Variants in ADAM23 observed in about 807,000 individuals in gnomAD.
ADAM23 encodes disintegrin and metalloproteinase domain-containing protein 23.
In ADAM23, 33 loss-of-function variants were observed where a neutral mutation model predicts 120.1. The ratio of observed to expected loss-of-function variants is 0.27; its 90% CI spans 0.21 to 0.37. ADAM23 has a LOEUF of 0.37. Among genes scored for constraint, ADAM23 ranks in the 10% least tolerant of loss-of-function variants. The pLI, the probability that ADAM23 is intolerant of heterozygous loss-of-function variation, is 1.00. For synonymous variants in ADAM23, 367 were observed against 375.2 expected (o/e 0.98, Z 0.25); for missense variants, 862 against 1,058.2 (o/e 0.81, Z 2.57).
chr2:206,600,156 C>A (rs572655106), intron 24 of ADAM23, among the ~76,000 whole-genome samples: 1 of 152,090 alleles, frequency 6.6e-6, no homozygotes, highest in South Asian at 2.1e-4. Flanking sequence ...GAGCTGAGAT[C>A]GCGACACTGC....
chr2:206,479,896 A>T (rs2105876836), intron 2 of ADAM23, among the ~76,000 whole-genome samples: 1 of 152,128 alleles, frequency 6.6e-6, no homozygotes. Flanking sequence ...TGACTATCTG[A>T]TTTGGCAGTG....
chr2:206,561,681 C>T (rs1174663955), intron 12 of ADAM23, among the ~76,000 whole-genome samples: 1 of 152,120 alleles, frequency 6.6e-6, no homozygotes, highest in East Asian at 1.9e-4. Context: ...TTTCCTTAAT[C>T]TCATTGTTCA....
intron 3 of ADAM23, among the ~76,000 whole-genome samples, chr2:206,512,236 C>G (rs918711300): frequency 1.3e-5 from 2 of 152,112 alleles, no homozygotes; most frequent in African/African-American, 4.8e-5. Flanking sequence ...AAACAAGCTG[C>G]TTAATAGCCT....
At chr2:206,539,422 G>A (rs1437022985) in intron 4 of ADAM23, among the ~76,000 whole-genome samples, 1 of 152,230 alleles carries the variant, frequency 6.6e-6, no homozygotes, top group African/African-American at 2.4e-5. Flanking sequence ...GTCAGGGCCA[G>A]CCCTCTTTAA....
At chr2:206,470,087 C>T (rs1025938062) in intron 2 of ADAM23, among the ~76,000 whole-genome samples, 2 of 152,034 alleles carry the variant, frequency 1.3e-5, no homozygotes, top group African/African-American at 2.4e-5. Context: ...AAAACACACA[C>T]CCTAAAATGT....
At chr2:206,521,548 T>C (rs1671900764) in intron 3 of ADAM23, among the ~76,000 whole-genome samples, 1 of 152,184 alleles carries the variant, frequency 6.6e-6, no homozygotes, top group Admixed American at 6.6e-5. Flanking sequence ...ATAAAAACTC[T>C]TGAAAGTTCT....
At position 206,620,288 on chromosome 2, in the gene ADAM23, T is replaced by G. The variant is rs1227911764; in HGVS notation, c.*2661T>G. 6.6e-6 allele frequency: 1 copy of G among 152,226 alleles called. No individual in the cohort carries two copies. The highest frequency in any genetic ancestry group is 2.4e-5 in the African/African-American group (1 of 41,470). 9.4% of individuals were successfully genotyped at this position (152,226 alleles called of 1,614,324 possible). A position where few individuals can be genotyped will look rare whatever the true frequency, so the allele number is the denominator to read the frequency against. Reference sequence around the variant, plus strand: ...CATATGGCAAATGTCAGTGTAACTTTTTGTTACACTGGCAATTTCATAGGT... The same window carrying G: ...CATATGGCAAATGTCAGTGTAACTTGTTGTTACACTGGCAATTTCATAGGT... On this transcript the variant is annotated 3_prime_UTR_variant, in exon 26 of 26. Transcript: ENST00000264377.
intron 18 of ADAM23, among the ~76,000 whole-genome samples, chr2:206,579,960 T>C (rs1334942790): frequency 6.9e-6 from 1 of 144,222 alleles, no homozygotes; most frequent in South Asian, 2.2e-4. Context: ...TTCCTAAGTA[T>C]TTTTTTTTTT....
rs372261190 is a variant in ADAM23 at position 206,550,159 on chromosome 2, C to T, written c.932C>T (p.Thr311Met). The stretch of plus-strand genomic sequence containing the variant: ...CTTATGATTGTTAATGATCACAAAA[C>T]GGTAAGAATATAGAGTCAGTGGGTT... ...LELMIVNDHK[T>M]YKKHRSSHAH... The change falls in exon 9 of 26, where the codon ACG becomes ATG. Residue 311 changes from threonine (T) to methionine (M), a missense_variant and splice_region_variant. By Grantham distance (81) the Thr-to-Met change is moderately conservative. Around this residue, in one of 4 missense-constraint regions of ADAM23, gnomAD observed 617 missense variants for 813.5 expected, o/e 0.76. Coordinates refer to ENST00000264377, the MANE Select transcript of ADAM23 (RefSeq NM_003812.4). 1.3e-5 allele frequency: 20 copies of T among 1,563,108 alleles called. No individual in the cohort carries two copies. In the East Asian group the frequency reaches 2.1e-4, roughly 16 times the overall value.
chr2:206,487,438 A>AG (rs1282206898), intron 3 of ADAM23, among the ~76,000 whole-genome samples: 1 of 152,228 alleles, frequency 6.6e-6, no homozygotes. Context: ...TAGGTGCTCA[A>AG]GGTAGTGAGC....
At chr2:206,577,794 G>T (rs879536903) in intron 18 of ADAM23, among the ~76,000 whole-genome samples, 1 of 151,702 alleles carries the variant, frequency 6.6e-6, no homozygotes, top group African/African-American at 2.4e-5. Context: ...GGGATGGCTT[G>T]GTCAAATGGT....
intron 2 of ADAM23, among the ~76,000 whole-genome samples, chr2:206,477,897 A>AAAATATATATATAT (rs374524658): frequency 6.9e-4 from 65 of 93,560 alleles, no homozygotes; most frequent in Admixed American, 3.1e-3. Flanking sequence ...AAAAAAAAAA[A>AAAATATATATATAT]ATATATATAT....
intron 8 of ADAM23, among the ~76,000 whole-genome samples, chr2:206,549,683 A>C (rs561594447): frequency 6.6e-6 from 1 of 152,168 alleles, no homozygotes; most frequent in South Asian, 2.1e-4. Context: ...TGCTATTCTT[A>C]TTAAATGAGT....
At chr2:206,531,038 T>G in intron 4 of ADAM23, 90 bp downstream of exon 4, 1 of 905,244 alleles carries the variant, frequency 1.1e-6, no homozygotes, top group Non-Finnish European at 1.6e-6. Context: ...GACGTCTGTC[T>G]CAGTAAAATC....
chr2:206,523,705 AGAAAT>A (rs926605911), intron 3 of ADAM23, among the ~76,000 whole-genome samples: 36 of 152,176 alleles, frequency 2.4e-4, no homozygotes, highest in African/African-American at 8.7e-4. Flanking sequence ...CAAAAAGAAA[AGAAAT>A]ATAAGAGCAA....
rs1468473218 is a variant in ADAM23 at position 206,617,786 on chromosome 2, C to CT, written c.*160dup. On this transcript the variant is annotated 3_prime_UTR_variant, in exon 26 of 26. Coordinates refer to ENST00000264377, the MANE Select transcript of ADAM23 (RefSeq NM_003812.4). ...GTGACAAGGATGGGGTAAAAGAAAA[C>CT]TGTCTCTTTTGGAAATAATGTCAAA... The CT allele has an allele frequency of 6.4e-6, 9 of 1,414,958 alleles. No homozygotes were observed. Among genetic ancestry groups the CT allele is most frequent in the Non-Finnish European group, 7.4e-6 (8 of 1,077,010 alleles). 87.7% of individuals were successfully genotyped at this position (1,414,958 alleles called of 1,614,324 possible).
intron 2 of ADAM23, among the ~76,000 whole-genome samples, chr2:206,470,401 G>T (rs1695632082): frequency 6.6e-6 from 1 of 152,130 alleles, no homozygotes; most frequent in Non-Finnish European, 1.5e-5. Flanking sequence ...ATTCTGCATA[G>T]TGGTCAGTAT....
chr2:206,561,106 G>A (rs781471248), intron 11 of ADAM23, 22 bp from the exon 12 acceptor site: 4 of 1,612,762 alleles, frequency 2.5e-6, no homozygotes, highest in Non-Finnish European at 3.4e-6. Flanking sequence ...TTGGTTTTCT[G>A]ATAGCACTGC....
intron 3 of ADAM23, among the ~76,000 whole-genome samples, chr2:206,483,230 C>T (rs2105879442): frequency 1.3e-5 from 2 of 152,272 alleles, no homozygotes; most frequent in Admixed American, 1.3e-4. Context: ...TTAAAGCCAA[C>T]AGAGGTACCT....
Sources: gnomAD v4.1 joint callset for allele counts (sites outside exome capture counted in the v4.1 genomes callset) on GRCh38, gnomAD v4.1.1 for gene constraint, gnomAD v4.1.1 regional missense constraint, MANE v1.5 for transcripts, NCBI Gene and HGNC (gene_info 2026-07-23, HGNC 2026-07-21) for gene names.